The following MAPK4 variants were observed in gnomAD, a reference collection of about 807,000 sequenced individuals.
MAPK4 encodes the protein Erk3-related.
A neutral mutation model predicts 47.7 loss-of-function variants in MAPK4; 22 were observed. The ratio of observed to expected loss-of-function variants is 0.46; its 90% confidence interval spans 0.33 to 0.66. MAPK4 has a LOEUF of 0.66. Among genes scored for constraint, MAPK4 ranks in the 30% least tolerant of loss-of-function variants. MAPK4 has a pLI of 0.02. For synonymous variants in MAPK4, 390 were observed against 365.7 expected (o/e 1.07, Z -0.76); for missense variants, 736 against 831.7 (o/e 0.88, Z 1.42).
intron 1 of MAPK4, among the ~76,000 whole-genome samples, chr18:50,619,206 A>G (rs1181692360): frequency 2.0e-5 from 3 of 152,244 alleles, no homozygotes; most frequent in Non-Finnish European, 4.4e-5. Flanking sequence ...GTCTGCAATT[A>G]TGAGACTTTT....
intron 1 of MAPK4, among the ~76,000 whole-genome samples, chr18:50,577,956 T>G (rs191834136): frequency 4.6e-5 from 7 of 152,216 alleles, no homozygotes; most frequent in Admixed American, 4.6e-4. Flanking sequence ...CAGAAACTGG[T>G]TTCTGTAACA....
chr18:50,657,862 G>C (rs1254786404), intron 1 of MAPK4, among the ~76,000 whole-genome samples: 2 of 152,100 alleles, frequency 1.3e-5, no homozygotes, highest in Non-Finnish European at 2.9e-5. Flanking sequence ...AGTCATTCCT[G>C]GGTAGGCTCA....
chr18:50,626,585 T>C (rs912580721), intron 1 of MAPK4, among the ~76,000 whole-genome samples: 4 of 152,162 alleles, frequency 2.6e-5, no homozygotes, highest in Non-Finnish European at 5.9e-5. Context: ...ACTGTCCCTC[T>C]CTGGGAACCT....
At chr18:50,622,709 T>G (rs2042743170) in intron 1 of MAPK4, among the ~76,000 whole-genome samples, 1 of 152,188 alleles carries the variant, frequency 6.6e-6, no homozygotes, top group Non-Finnish European at 1.5e-5. Context: ...GCAGGCAGAA[T>G]AGGTTTGGAA....
intron 1 of MAPK4, among the ~76,000 whole-genome samples, chr18:50,573,380 G>A (rs960198644): frequency 3.3e-5 from 5 of 152,134 alleles, no homozygotes; most frequent in African/African-American, 1.2e-4. Context: ...ATTTACAGCC[G>A]CTCCCCATGG....
intron 2 of MAPK4, among the ~76,000 whole-genome samples, chr18:50,714,643 A>G (rs2144434882): frequency 6.6e-6 from 1 of 152,350 alleles, no homozygotes; most frequent in African/African-American, 2.4e-5. Flanking sequence ...GAGTTCAAGC[A>G]TATGGCTAAT....
chr18:50,574,819 T>C (rs1442254238), intron 1 of MAPK4, among the ~76,000 whole-genome samples: 1 of 152,232 alleles, frequency 6.6e-6, no homozygotes, highest in Non-Finnish European at 1.5e-5. Flanking sequence ...AGATGATAAG[T>C]ATCCACACCA....
intron 1 of MAPK4, among the ~76,000 whole-genome samples, chr18:50,566,508 T>C (rs1212449360): frequency 6.6e-6 from 1 of 152,236 alleles, no homozygotes; most frequent in Non-Finnish European, 1.5e-5. Flanking sequence ...ACCGTTCTTC[T>C]GTCTTCCTGG....
At chr18:50,698,500 T>C (rs1909621320) in intron 2 of MAPK4, among the ~76,000 whole-genome samples, 1 of 152,166 alleles carries the variant, frequency 6.6e-6, no homozygotes, top group Admixed American at 6.5e-5. Context: ...ACTACTAAAA[T>C]TGAATCAGTA....
chr18:50,670,603 A>G (rs1395840506), intron 2 of MAPK4, among the ~76,000 whole-genome samples: 3 of 151,874 alleles, frequency 2.0e-5, no homozygotes, highest in Non-Finnish European at 4.4e-5. Flanking sequence ...CTAAAAATAT[A>G]AAAATTAGCC....
chr18:50,658,877 C>T (rs1011407375), intron 1 of MAPK4, among the ~76,000 whole-genome samples: 4 of 152,126 alleles, frequency 2.6e-5, no homozygotes, highest in East Asian at 3.9e-4. Context: ...AGAAAAGGGC[C>T]GGGTCCCAAC....
At chr18:50,634,322 T>TG (rs2042860421) in intron 1 of MAPK4, among the ~76,000 whole-genome samples, 1 of 151,154 alleles carries the variant, frequency 6.6e-6, no homozygotes, top group Non-Finnish European at 1.5e-5. Context: ...TTTCTTTTTT[T>TG]TTTTTCCTTT....
chr18:50,700,001 T>A (rs1909700804), intron 2 of MAPK4, among the ~76,000 whole-genome samples: 1 of 152,142 alleles, frequency 6.6e-6, no homozygotes, highest in African/African-American at 2.4e-5. Context: ...GCCCAGAGTT[T>A]TTTGGGGAGG....
chr18:50,599,416 A>G (rs1397037932), intron 1 of MAPK4, among the ~76,000 whole-genome samples: 1 of 152,046 alleles, frequency 6.6e-6, no homozygotes, highest in Non-Finnish European at 1.5e-5. Flanking sequence ...TTCATTTTTT[A>G]CTTTTATTAT....
chr18:50,712,301 C>A (rs1215812529), intron 2 of MAPK4, among the ~76,000 whole-genome samples: 1 of 152,144 alleles, frequency 6.6e-6, no homozygotes, highest in Non-Finnish European at 1.5e-5. Flanking sequence ...TTGGTGTGCG[C>A]CTGTGGTCCC....
At chr18:50,665,493 C>G (rs1907549919) in intron 2 of MAPK4, among the ~76,000 whole-genome samples, 1 of 152,232 alleles carries the variant, frequency 6.6e-6, no homozygotes. Flanking sequence ...AGTCTGTTAT[C>G]ATCCAAGGGG....
At chr18:50,698,186 G>A (rs1909607955) in intron 2 of MAPK4, among the ~76,000 whole-genome samples, 1 of 152,128 alleles carries the variant, frequency 6.6e-6, no homozygotes, top group Admixed American at 6.6e-5. Context: ...AATTCAACAA[G>A]CTTCAGAGTA....
At chr18:50,688,151 C>T (rs1908996737) in intron 2 of MAPK4, among the ~76,000 whole-genome samples, 1 of 152,052 alleles carries the variant, frequency 6.6e-6, no homozygotes, top group African/African-American at 2.4e-5. Flanking sequence ...GTGGGGGAGG[C>T]GGCAGGTTGG....
At position 50,722,043 on chromosome 18, in the gene MAPK4, G is replaced by C. The variant is rs1910963271; in HGVS notation, c.797G>C (p.Ser266Thr). The C allele has an allele frequency of 6.2e-7, 1 of 1,613,654 alleles. No individual in the cohort carries two copies. Among genetic ancestry groups the C allele is most frequent in the Admixed American group, 1.7e-5 (1 of 59,922 alleles). The change falls in exon 4 of 6, where the codon AGC (serine) becomes ACC (threonine). Residue 266 changes from serine to threonine, a missense_variant. By Grantham distance (58) the Ser-to-Thr change is moderately conservative (BLOSUM62 1). Transcript: ENST00000400384. ...LLRVMPSFVSSTWEVKRPLRK... is the reference protein window; with the variant it reads ...LLRVMPSFVSTTWEVKRPLRK... ...AGGGTGATGCCTTCCTTTGTCAGCA[G>C]CACCTGGGAGGTGAAGAGGCCTCTG...
Sources: allele counts gnomAD v4.1 joint callset (sites outside exome capture counted in the v4.1 genomes callset), GRCh38; gene constraint gnomAD v4.1.1; transcripts MANE v1.5; gene names NCBI Gene and HGNC (gene_info 2026-07-23, HGNC 2026-07-21).